Variants in SUPT3H observed in about 807,000 individuals in gnomAD.
The protein encoded by SUPT3H is transcription initiation protein SPT3 homolog.
Under a neutral mutation model 44.3 loss-of-function variants are expected in SUPT3H, and 44 were observed. The observed-to-expected ratio is 0.99, with a 90% CI of 0.78 to 1.28. The LOEUF is 1.28. Ranked by LOEUF, SUPT3H falls within the 50% of genes most tolerant of loss-of-function variation. The probability of loss-of-function intolerance (pLI) is 0.00; values close to 1 mark genes in which losing one functional copy is unlikely to be tolerated. For synonymous variants in SUPT3H, 124 were observed against 125.6 expected, an observed-to-expected ratio of 0.99 and a Z score of 0.09; for missense variants, 380 against 387.1, an observed-to-expected ratio of 0.98 and a Z score of 0.15.
intron 10 of SUPT3H, among the ~76,000 whole-genome samples, chr6:44,889,694 A>C (rs1311006455): frequency 6.6e-6 from 1 of 152,214 alleles, no homozygotes; most frequent in Non-Finnish European, 1.5e-5. Context: ...TTCAGGACAT[A>C]GGCATGGGCA....
At chr6:45,365,124 A>C in intron 2 of SUPT3H, 77 bp downstream of exon 2, 2 of 834,862 alleles carry the variant, frequency 2.4e-6, no homozygotes, top group Non-Finnish European at 3.6e-6. Context: ...AGTTTTATAA[A>C]TGTTGTTATG....
At chr6:44,990,481 G>T (rs1026011348) in intron 6 of SUPT3H, among the ~76,000 whole-genome samples, 1 of 151,962 alleles carries the variant, frequency 6.6e-6, no homozygotes, top group African/African-American at 2.4e-5. Flanking sequence ...ATCAGGGTGT[G>T]ATGCCTCCCA....
intron 6 of SUPT3H, among the ~76,000 whole-genome samples, chr6:44,992,966 C>T (rs140513935): frequency 0.024 from 3,637 of 152,086 alleles, 146 homozygotes; most frequent in African/African-American, 0.081. Context: ...GAGTTTGAGA[C>T]CAGCCTGGAC....
intron 2 of SUPT3H, among the ~76,000 whole-genome samples, chr6:45,157,017 A>G (rs987972992): frequency 6.6e-6 from 1 of 152,136 alleles, no homozygotes; most frequent in Admixed American, 6.6e-5. Flanking sequence ...AACATTAATA[A>G]GTTAAAGGAA....
At chr6:45,077,251 T>A (rs542976542) in intron 3 of SUPT3H, among the ~76,000 whole-genome samples, 1 of 152,276 alleles carries the variant, frequency 6.6e-6, no homozygotes, top group South Asian at 2.1e-4. Flanking sequence ...CCATATACCA[T>A]ACAAACTATA....
In SUPT3H at chr6:45,185,714, CT is replaced by C. The variant is rs1190978908; in HGVS notation, c.102-79709del. Among the ~76,000 whole-genome samples, 14 of 152,360 alleles carry C rather than the reference CT, an allele frequency of 9.2e-5. 1 individual carries two copies. In the South Asian group the frequency reaches 1.9e-3, roughly 20 times the overall value. ...TTTGTTCTTCAGACACACCTAGGGG[CT>C]ACCCCAGTTTTTGTGTTCTGAACTG... On this transcript the variant is annotated intron_variant, in intron 2 of 10. Transcript: ENST00000371459.
intron 2 of SUPT3H, among the ~76,000 whole-genome samples, chr6:45,130,658 C>T (rs1803290342): frequency 1.6e-5 from 2 of 125,038 alleles, no homozygotes; most frequent in South Asian, 5.0e-4. Flanking sequence ...CTGGTGAAAG[C>T]ATACCTTACA....
intron 11 of SUPT3H, among the ~76,000 whole-genome samples, chr6:44,821,241 G>C (rs1767291938): frequency 1.3e-5 from 2 of 152,098 alleles, no homozygotes; most frequent in South Asian, 4.1e-4. Flanking sequence ...TCTAAACACC[G>C]AGTACTCATG....
chr6:45,025,788 C>A (rs1410787250), intron 3 of SUPT3H, among the ~76,000 whole-genome samples: 1 of 150,540 alleles, frequency 6.6e-6, no homozygotes, highest in Non-Finnish European at 1.5e-5. Flanking sequence ...GAGGCTGAGG[C>A]AGGAGAATGG....
At chr6:45,098,389 G>C in intron 3 of SUPT3H, 1 of 159,384 alleles carries the variant, frequency 6.3e-6, no homozygotes, top group Middle Eastern at 2.6e-3. Flanking sequence ...ATGAGAGACA[G>C]GGATTTCTAG....
At chr6:45,065,134 C>A (rs2153546297) in intron 3 of SUPT3H, among the ~76,000 whole-genome samples, 1 of 151,896 alleles carries the variant, frequency 6.6e-6, no homozygotes, top group South Asian at 2.1e-4. Flanking sequence ...TGCAATCAAA[C>A]TAGAATTCAG....
At chr6:45,082,667 T>C (rs113262969) in intron 3 of SUPT3H, among the ~76,000 whole-genome samples, 36 of 152,076 alleles carry the variant, frequency 2.4e-4, no homozygotes, top group African/African-American at 8.2e-4. Context: ...ACCAACATCA[T>C]AGTAAAAAGG....
intron 10 of SUPT3H, among the ~76,000 whole-genome samples, chr6:44,852,304 C>T (rs1054456588): frequency 7.9e-5 from 12 of 152,084 alleles, no homozygotes; most frequent in African/African-American, 2.9e-4. Flanking sequence ...CCTAATTTTG[C>T]ATTATGCTTG....
At chr6:45,306,597 G>C (rs185209777) in intron 2 of SUPT3H, among the ~76,000 whole-genome samples, 24 of 152,222 alleles carry the variant, frequency 1.6e-4, no homozygotes, top group Non-Finnish European at 2.8e-4. Context: ...TCAACATAAT[G>C]CAACAAGAAC....
At chr6:45,278,374 A>G (rs1309058652) in intron 2 of SUPT3H, among the ~76,000 whole-genome samples, 1 of 152,232 alleles carries the variant, frequency 6.6e-6, no homozygotes, top group South Asian at 2.1e-4. Context: ...CAAAAATCCT[A>G]TAATGAACAT....
chr6:44,984,154 C>T (rs772423706), intron 6 of SUPT3H, among the ~76,000 whole-genome samples: 34 of 152,056 alleles, frequency 2.2e-4, no homozygotes, highest in Non-Finnish European at 4.7e-4. Context: ...GTAACAGGAT[C>T]CTGCCTTCTA....
chr6:45,361,456 A>G (rs16873366), intron 2 of SUPT3H: 20,346 of 152,178 alleles, frequency 0.13, 1,576 homozygotes, highest in East Asian at 0.26. Context: ...AAAGTAAGGA[A>G]GAACTCAGAG....
intron 2 of SUPT3H, among the ~76,000 whole-genome samples, chr6:45,221,239 G>A (rs1319207771): frequency 6.6e-6 from 1 of 152,134 alleles, no homozygotes; most frequent in African/African-American, 2.4e-5. Flanking sequence ...GGGGGCATGC[G>A]GGAGGGATAG....
chr6:45,104,757 A>C (rs1218070329), intron 3 of SUPT3H, among the ~76,000 whole-genome samples: 5 of 152,096 alleles, frequency 3.3e-5, no homozygotes. Context: ...AAAAATATTA[A>C]AACACAACTG....
Sources: gnomAD v4.1 joint callset for allele counts (sites outside exome capture counted in the v4.1 genomes callset) on GRCh38, gnomAD v4.1.1 for gene constraint, MANE v1.5 for transcripts, NCBI Gene and HGNC (gene_info 2026-07-23, HGNC 2026-07-21) for gene names.